The following MSH3 variants were observed in gnomAD, a reference collection of about 807,000 sequenced individuals.
MSH3 encodes the protein mutS homolog 3, also known as DNA mismatch repair protein Msh3.
Under a neutral mutation model 123.3 loss-of-function variants are expected in MSH3, and 106 were observed. The ratio of observed to expected loss-of-function variants is 0.86; its 90% CI spans 0.73 to 1.01. The LOEUF is 1.01. MSH3 is among the 50% of genes least tolerant of loss of function. The pLI, the probability that MSH3 is intolerant of heterozygous loss-of-function variation, is 0.00. For synonymous variants in MSH3, 515 were observed against 481.4 expected (o/e 1.07, Z -0.91); for missense variants, 1,459 against 1,347.6 (o/e 1.08, Z -1.29).
intron 8 of MSH3, among the ~76,000 whole-genome samples, chr5:80,696,774 G>T (rs1182142128): frequency 1.3e-5 from 2 of 152,086 alleles, no homozygotes; most frequent in African/African-American, 4.8e-5. Context: ...ATGTATAAAT[G>T]AACTTTGCTT....
intron 8 of MSH3, among the ~76,000 whole-genome samples, chr5:80,720,649 G>T (rs1580584437): frequency 6.6e-6 from 1 of 151,664 alleles, no homozygotes; most frequent in Non-Finnish European, 1.5e-5. Flanking sequence ...ACTTGTTAGG[G>T]TTTTCATGTT....
chr5:80,669,992 A>G, intron 3 of MSH3, 105 bp from the exon 4 acceptor site: 2 of 1,009,830 alleles, frequency 2.0e-6, no homozygotes, highest in Non-Finnish European at 3.0e-6. Flanking sequence ...CTTTTCATCT[A>G]GATTCACTAA....
intron 7 of MSH3, among the ~76,000 whole-genome samples, chr5:80,677,367 T>C (rs1321013052): frequency 1.3e-5 from 2 of 152,176 alleles, no homozygotes; most frequent in South Asian, 4.1e-4. Context: ...GTGATAGATA[T>C]TGTGGGTATT....
chr5:80,806,316 C>T (rs1304921276), intron 19 of MSH3, among the ~76,000 whole-genome samples: 4 of 151,848 alleles, frequency 2.6e-5, no homozygotes, highest in Admixed American at 6.6e-5. Flanking sequence ...AGGCTGCTCT[C>T]GAACTCCTGA....
chr5:80,688,979 A>G (rs1473617883), intron 8 of MSH3, among the ~76,000 whole-genome samples: 1 of 152,192 alleles, frequency 6.6e-6, no homozygotes, highest in Non-Finnish European at 1.5e-5. Flanking sequence ...TAAATGTGGA[A>G]TGGCATACCA....
chr5:80,773,633 A>G (rs940792544), intron 15 of MSH3, among the ~76,000 whole-genome samples: 1 of 152,234 alleles, frequency 6.6e-6, no homozygotes, highest in African/African-American at 2.4e-5. Context: ...ACGTGCATAT[A>G]ATAAAACTGA....
intron 2 of MSH3, among the ~76,000 whole-genome samples, chr5:80,664,466 A>G (rs1424421666): frequency 1.4e-5 from 2 of 145,132 alleles, no homozygotes; most frequent in African/African-American, 5.2e-5. Flanking sequence ...CTCAGCATAC[A>G]TTGTGTCTGT....
At chr5:80,814,130 A>T (rs199636037) in intron 20 of MSH3, among the ~76,000 whole-genome samples, 20 of 3,088 alleles carry the variant, frequency 6.5e-3, no homozygotes, top group African/African-American at 0.058. Context: ...TGTCTCAAAG[A>T]AAAAAAAAAA....
intron 8 of MSH3, among the ~76,000 whole-genome samples, chr5:80,715,591 AC>A (rs138055432): frequency 0.12 from 17,500 of 152,004 alleles, 1,080 homozygotes; most frequent in African/African-American, 0.17. Context: ...ACTACCTGAG[AC>A]TGGGTAATTT....
intron 6 of MSH3, among the ~76,000 whole-genome samples, chr5:80,674,032 A>G (rs1054386304): frequency 4.6e-5 from 7 of 152,336 alleles, no homozygotes; most frequent in Non-Finnish European, 5.9e-5. Context: ...CATGAATACT[A>G]TAAATAGGGA....
intron 16 of MSH3, 47 bp from the exon 17 acceptor site, chr5:80,778,673 T>A (rs1184250390): frequency 8.8e-7 from 1 of 1,141,462 alleles, no homozygotes. Flanking sequence ...CATTTCGGAT[T>A]TTTTACTAAC....
In MSH3 at chr5:80,775,718, G is replaced by C. The variant is rs1744285969; in HGVS notation, c.2278G>C (p.Ala760Pro). The change falls in exon 16 of 24, where the codon GCT becomes CCT. Residue 760 changes from alanine (A) to proline (P), a missense_variant. Physicochemically the swap from Ala to Pro is conservative, Grantham distance 27. Transcript: ENST00000265081. ...QEFMIEIKNS[A>P]VSCIPTDWVK... ...GTTTATGATAGAAATAAAGAACTCT[G>C]CTGTATCTTGTATACCAACTGATTG... 1 of 1,585,756 alleles carries C rather than the reference G, an allele frequency of 6.3e-7. No homozygotes were observed. The highest frequency in any genetic ancestry group is 2.2e-5 in the East Asian group (1 of 44,640).
chr5:80,704,398 T>C (rs756843959), intron 8 of MSH3, among the ~76,000 whole-genome samples: 5 of 152,236 alleles, frequency 3.3e-5, no homozygotes, highest in Non-Finnish European at 7.3e-5. Context: ...GGTTTCTTTG[T>C]TGTAACCTCA....
chr5:80,676,543 C>G (rs1175251627), intron 7 of MSH3, among the ~76,000 whole-genome samples: 1 of 152,168 alleles, frequency 6.6e-6, no homozygotes, highest in Non-Finnish European at 1.5e-5. Flanking sequence ...GTGGCAATAT[C>G]AACAAAAATT....
intron 10 of MSH3, among the ~76,000 whole-genome samples, chr5:80,729,431 T>G (rs1457592749): frequency 1.5e-4 from 6 of 40,730 alleles, no homozygotes; most frequent in South Asian, 5.6e-4. Flanking sequence ...AAAAAAAAAA[T>G]GTGTGTGTGT....
At chr5:80,656,053 A>G (rs933002490) in intron 1 of MSH3, among the ~76,000 whole-genome samples, 1 of 152,206 alleles carries the variant, frequency 6.6e-6, no homozygotes, top group Non-Finnish European at 1.5e-5. Flanking sequence ...TGCCTTTGCT[A>G]CATAACTGTT....
intron 8 of MSH3, among the ~76,000 whole-genome samples, chr5:80,714,108 T>A (rs1034483534): frequency 6.6e-6 from 1 of 151,298 alleles, no homozygotes; most frequent in African/African-American, 2.4e-5. Context: ...ATGCTAGGCA[T>A]GTGTGCAGAA....
intron 8 of MSH3, among the ~76,000 whole-genome samples, chr5:80,725,144 G>C (rs1743256905): frequency 6.7e-6 from 1 of 150,220 alleles, no homozygotes; most frequent in African/African-American, 2.5e-5. Context: ...AACCCAGGAG[G>C]TGGAGCTTGC....
intron 22 of MSH3, among the ~76,000 whole-genome samples, chr5:80,867,361 T>G (rs13168327): frequency 0.16 from 24,030 of 152,190 alleles, 1,992 homozygotes; most frequent in East Asian, 0.24. Flanking sequence ...GACAAGCATT[T>G]CCTGTTCACT....
Sources: allele counts gnomAD v4.1 joint callset (sites outside exome capture counted in the v4.1 genomes callset), GRCh38; gene constraint gnomAD v4.1.1; transcripts MANE v1.5; gene names NCBI Gene and HGNC (gene_info 2026-07-23, HGNC 2026-07-21).